OPCML: variants seen among roughly 807,000 people sequenced by gnomAD.
OPCML encodes the protein opioid-binding protein/cell adhesion molecule.
In OPCML, 13 loss-of-function variants were observed where a neutral mutation model predicts 37.8. The observed-to-expected ratio is 0.34, with a 90% confidence interval of 0.22 to 0.55. The LOEUF is 0.55. Among genes scored for constraint, OPCML ranks in the 20% least tolerant of loss-of-function variants. The pLI is 0.91. For synonymous variants in OPCML, 176 were observed against 168.8 expected, an observed-to-expected ratio of 1.04 and a Z score of -0.33; for missense variants, 341 against 435.6, an observed-to-expected ratio of 0.78 and a Z score of 1.93.
At chr11:133,004,756 C>T (rs560816020) in intron 1 of OPCML, 22 of 985,262 alleles carry the variant, frequency 2.2e-5, no homozygotes, top group Non-Finnish European at 2.5e-5. Flanking sequence ...CGTGGATGGA[C>T]GCTGGCTCAG....
chr11:132,552,648 T>C (rs2096384583), intron 3 of OPCML, among the ~76,000 whole-genome samples: 1 of 152,186 alleles, frequency 6.6e-6, no homozygotes. Context: ...AACATATTTA[T>C]CTACTTTCTT....
intron 2 of OPCML, among the ~76,000 whole-genome samples, chr11:132,718,316 TGA>T (rs1485590121): frequency 6.6e-6 from 1 of 152,076 alleles, no homozygotes; most frequent in African/African-American, 2.4e-5. Context: ...CAACTTGGGG[TGA>T]GTTCTTTCGA....
chr11:132,959,614 C>CA (rs34319692), intron 1 of OPCML, among the ~76,000 whole-genome samples: 6,756 of 152,118 alleles, frequency 0.044, 196 homozygotes, highest in Non-Finnish European at 0.068. Flanking sequence ...GCAGAGAGGC[C>CA]AAAAATAGCT....
At chr11:133,182,589 G>A (rs897954415) in intron 1 of OPCML, among the ~76,000 whole-genome samples, 2 of 152,130 alleles carry the variant, frequency 1.3e-5, no homozygotes, top group African/African-American at 4.8e-5. Context: ...GTATCCTAAT[G>A]TCCAGGAAAA....
chr11:132,531,756 G>GTTT lies in OPCML; in HGVS notation c.380-2573_380-2571dup, dbSNP rs11456087. ...TTCTCTTGAGAAACATGTTCTACCC[G>GTTT]TTTTTTTTTTTTCCTATATTTTCTA... On this transcript the variant is annotated intron_variant, in intron 3 of 7. Transcript: ENST00000524381. Among the ~76,000 whole-genome samples, 699 of 146,898 alleles carry GTTT rather than the reference G, an allele frequency of 4.8e-3. 5 individuals carry two copies. The highest frequency in any genetic ancestry group is 0.011 in the African/African-American group (444 of 40,014).
chr11:133,391,981 T>A (rs1945183225), intron 1 of OPCML, among the ~76,000 whole-genome samples: 2 of 152,088 alleles, frequency 1.3e-5, no homozygotes, highest in Admixed American at 1.3e-4. Flanking sequence ...AGTGCCAAAG[T>A]CCATAATCAA....
intron 1 of OPCML, among the ~76,000 whole-genome samples, chr11:133,348,759 A>G (rs1944059282): frequency 6.6e-6 from 1 of 152,246 alleles, no homozygotes; most frequent in South Asian, 2.1e-4. Flanking sequence ...CAAGAGAATG[A>G]TAAGTCAAAC....
intron 1 of OPCML, among the ~76,000 whole-genome samples, chr11:133,350,227 A>C (rs1166482466): frequency 6.6e-6 from 1 of 152,198 alleles, no homozygotes; most frequent in South Asian, 2.1e-4. Context: ...AGGAGAATAT[A>C]ATTTAAGTGC....
chr11:133,297,071 C>G (rs1368308756), intron 1 of OPCML: 1 of 152,166 alleles, frequency 6.6e-6, no homozygotes, highest in Non-Finnish European at 1.5e-5. Context: ...GGAATGGGAC[C>G]ACTTGGGAAG....
intron 1 of OPCML, among the ~76,000 whole-genome samples, chr11:133,176,501 G>A (rs1055794853): frequency 3.3e-5 from 5 of 152,028 alleles, no homozygotes; most frequent in South Asian, 4.2e-4. Context: ...TGGAGGTGGG[G>A]CCTGCTAGGA....
intron 4 of OPCML, among the ~76,000 whole-genome samples, chr11:132,450,815 T>C (rs2096066578): frequency 6.6e-6 from 1 of 152,194 alleles, no homozygotes; most frequent in Admixed American, 6.5e-5. Flanking sequence ...CTGTGTCCAT[T>C]TGGATAAATT....
intron 2 of OPCML, among the ~76,000 whole-genome samples, chr11:132,710,936 G>T (rs1025500029): frequency 2.0e-5 from 3 of 152,054 alleles, no homozygotes; most frequent in African/African-American, 7.2e-5. Context: ...GGTCTGGAGA[G>T]GTTTCATAGG....
intron 1 of OPCML, among the ~76,000 whole-genome samples, chr11:133,400,950 T>A (rs964756976): frequency 6.6e-6 from 1 of 152,216 alleles, no homozygotes; most frequent in Non-Finnish European, 1.5e-5. Context: ...GCAACCCTTT[T>A]CCTGCTACCA....
intron 4 of OPCML, among the ~76,000 whole-genome samples, chr11:132,484,711 A>G (rs2096193630): frequency 6.6e-6 from 1 of 152,166 alleles, no homozygotes; most frequent in Non-Finnish European, 1.5e-5. Context: ...AATGTGGCAC[A>G]TATACACCAT....
At chr11:133,409,989 G>A (rs928848732) in intron 1 of OPCML, among the ~76,000 whole-genome samples, 7 of 152,024 alleles carry the variant, frequency 4.6e-5, no homozygotes, top group South Asian at 2.1e-4. Context: ...GAGGAAGGAC[G>A]TGCTAGAAGG....
chr11:133,203,215 A>G (rs532415341), intron 1 of OPCML, among the ~76,000 whole-genome samples: 1 of 152,356 alleles, frequency 6.6e-6, no homozygotes, highest in Admixed American at 6.5e-5. Flanking sequence ...CTTCCAAGCA[A>G]GTTACTCAAT....
At chr11:132,778,309 C>A (rs116897620) in intron 2 of OPCML, among the ~76,000 whole-genome samples, 1,572 of 152,362 alleles carry the variant, frequency 0.01, 13 homozygotes, top group Non-Finnish European at 0.017. Context: ...CACACTGCTG[C>A]GTGCTAGCAA....
intron 2 of OPCML, among the ~76,000 whole-genome samples, chr11:132,823,848 G>T (rs949941048): frequency 6.6e-6 from 1 of 152,044 alleles, no homozygotes; most frequent in East Asian, 1.9e-4. Context: ...GCACATGATC[G>T]CAGCATTTAC....
At chr11:133,152,540 T>C (rs936576179) in intron 1 of OPCML, among the ~76,000 whole-genome samples, 11 of 149,024 alleles carry the variant, frequency 7.4e-5, no homozygotes, top group African/African-American at 2.8e-4. Context: ...CACTCCCACC[T>C]TGGACCCAAG....
Sources: gnomAD v4.1 joint callset for allele counts (sites outside exome capture counted in the v4.1 genomes callset) on GRCh38, gnomAD v4.1.1 for gene constraint, MANE v1.5 for transcripts, NCBI Gene and HGNC (gene_info 2026-07-23, HGNC 2026-07-21) for gene names.